The following NEK7 variants were observed in gnomAD, a reference collection of about 807,000 sequenced individuals.
The protein encoded by NEK7 is serine/threonine-protein kinase Nek7.
In NEK7, 18 loss-of-function variants were observed where a neutral mutation model predicts 44.6. The ratio of observed to expected loss-of-function variants is 0.40; its 90% CI spans 0.28 to 0.60. The LOEUF is 0.60. Among genes scored for constraint, NEK7 ranks in the 20% least tolerant of loss-of-function variants. The pLI is 0.38. For missense variants in NEK7, 256 were observed against 366.5 expected (o/e 0.70, Z 2.46); for synonymous variants, 130 against 121.1 (o/e 1.07, Z -0.48).
intron 7 of NEK7, among the ~76,000 whole-genome samples, chr1:198,279,453 A>G (rs6662804): frequency 0.2 from 30,086 of 151,878 alleles, 3,558 homozygotes; most frequent in African/African-American, 0.31. Context: ...AAAATAAAGT[A>G]TATGGCTGTG....
chr1:198,310,049 C>T (rs918609928), intron 9 of NEK7, among the ~76,000 whole-genome samples: 20 of 151,608 alleles, frequency 1.3e-4, no homozygotes, highest in African/African-American at 2.7e-4. Context: ...AACTAGTTTA[C>T]AGTCCCACCA....
intron 2 of NEK7, among the ~76,000 whole-genome samples, chr1:198,245,610 G>A (rs891426959): frequency 1.3e-5 from 2 of 152,224 alleles, no homozygotes; most frequent in East Asian, 3.8e-4. Context: ...GAAATACATG[G>A]TGCAGCTGAT....
At chr1:198,241,900 A>C (rs1297572553) in intron 2 of NEK7, among the ~76,000 whole-genome samples, 2 of 152,152 alleles carry the variant, frequency 1.3e-5, no homozygotes, top group African/African-American at 2.4e-5. Context: ...GCTGCCAATA[A>C]TTGTCTTGGC....
intron 1 of NEK7, among the ~76,000 whole-genome samples, chr1:198,168,685 T>C (rs1170174398): frequency 6.6e-6 from 1 of 152,202 alleles, no homozygotes; most frequent in Non-Finnish European, 1.5e-5. Context: ...TTATAGTTCA[T>C]CTTTTTGTTT....
At chr1:198,288,860 TAAC>T (rs1654458778) in intron 7 of NEK7, among the ~76,000 whole-genome samples, 1 of 152,148 alleles carries the variant, frequency 6.6e-6, no homozygotes, top group African/African-American at 2.4e-5. Flanking sequence ...ACAGCAACAA[TAAC>T]AATAAAATAT....
At chr1:198,180,992 A>G (rs1285175376) in intron 1 of NEK7, among the ~76,000 whole-genome samples, 4 of 152,098 alleles carry the variant, frequency 2.6e-5, no homozygotes, top group Non-Finnish European at 5.9e-5. Flanking sequence ...TCAAAATAGG[A>G]CAAGTTATCA....
intron 7 of NEK7, among the ~76,000 whole-genome samples, chr1:198,291,114 A>C (rs972313628): frequency 3.9e-5 from 6 of 152,024 alleles, no homozygotes; most frequent in Admixed American, 3.9e-4. Context: ...CTCATATCAA[A>C]CCCCTAATGT....
rs970518263 is a variant in NEK7, at chr1:198,205,770, T to C, written c.-28-26783T>C. Among the ~76,000 whole-genome samples, 5 of 152,250 alleles carry C rather than the reference T, an allele frequency of 3.3e-5. No individual in the cohort carries two copies. In the East Asian group the frequency reaches 7.7e-4, roughly 23 times the overall value. On this transcript the variant is annotated intron_variant, in intron 1 of 9. Transcript: ENST00000367385. ...TACGTGGAGTCTATTTCTTATTAGG[T>C]TCACAAAACTACAGAGTAAGAGCGA...
At chr1:198,212,078 G>T (rs1342188359) in intron 1 of NEK7, among the ~76,000 whole-genome samples, 1 of 152,218 alleles carries the variant, frequency 6.6e-6, no homozygotes, top group Non-Finnish European at 1.5e-5. Context: ...ACTCCAGTGG[G>T]ATGGGAGCGA....
intron 1 of NEK7, among the ~76,000 whole-genome samples, chr1:198,183,025 G>A (rs1664812792): frequency 6.6e-6 from 1 of 152,144 alleles, no homozygotes; most frequent in African/African-American, 2.4e-5. Context: ...AGGCCATTGT[G>A]GTAGGTGAAA....
intron 2 of NEK7, among the ~76,000 whole-genome samples, chr1:198,245,852 A>G (rs1172887286): frequency 6.6e-6 from 1 of 152,174 alleles, no homozygotes; most frequent in African/African-American, 2.4e-5. Flanking sequence ...TTACACTCCA[A>G]ATTAAGAACA....
intron 9 of NEK7, among the ~76,000 whole-genome samples, chr1:198,304,025 A>T (rs986667783): frequency 5.3e-5 from 8 of 152,178 alleles, no homozygotes; most frequent in African/African-American, 1.9e-4. Context: ...GAAAGTTGCC[A>T]TGTAAGATTA....
At chr1:198,171,290 G>T (rs933228726) in intron 1 of NEK7, among the ~76,000 whole-genome samples, 1 of 151,858 alleles carries the variant, frequency 6.6e-6, no homozygotes, top group Admixed American at 6.6e-5. Context: ...TTTTTTTAAA[G>T]AAATGCTTCT....
intron 5 of NEK7, among the ~76,000 whole-genome samples, chr1:198,276,371 C>G (rs1396886576): frequency 6.6e-6 from 1 of 151,682 alleles, no homozygotes; most frequent in African/African-American, 2.4e-5. Flanking sequence ...TGGTCCCCAT[C>G]TTCCTGTTGA....
At chr1:198,295,220 T>C (rs1183644394) in intron 8 of NEK7, among the ~76,000 whole-genome samples, 1 of 152,172 alleles carries the variant, frequency 6.6e-6, no homozygotes, top group East Asian at 1.9e-4. Context: ...ACATTTCCTT[T>C]ATTGTTCAGC....
intron 1 of NEK7, among the ~76,000 whole-genome samples, chr1:198,217,276 G>A (rs1409760827): frequency 6.6e-6 from 1 of 151,740 alleles, no homozygotes; most frequent in African/African-American, 2.4e-5. Flanking sequence ...TGGGTTGCAG[G>A]GATGGTTCAA....
chr1:198,285,841 A>T (rs58298944), intron 7 of NEK7, among the ~76,000 whole-genome samples: 1 of 151,852 alleles, frequency 6.6e-6, no homozygotes, highest in African/African-American at 2.4e-5. Flanking sequence ...CTACTTGTTT[A>T]TTTTTGTGAC....
At chr1:198,289,312 C>T (rs1474484164) in intron 7 of NEK7, among the ~76,000 whole-genome samples, 1 of 152,082 alleles carries the variant, frequency 6.6e-6, no homozygotes, top group Non-Finnish European at 1.5e-5. Context: ...TTTGTACTCT[C>T]CGACTTAAAA....
At chr1:198,312,689 G>A (rs1464646068) in intron 9 of NEK7, among the ~76,000 whole-genome samples, 4 of 151,536 alleles carry the variant, frequency 2.6e-5, no homozygotes, top group Non-Finnish European at 4.4e-5. Flanking sequence ...CCTTCATTTC[G>A]TTATGTACCC....
Sources: gnomAD v4.1 joint callset for allele counts (sites outside exome capture counted in the v4.1 genomes callset) on GRCh38, gnomAD v4.1.1 for gene constraint, MANE v1.5 for transcripts, NCBI Gene and HGNC (gene_info 2026-07-23, HGNC 2026-07-21) for gene names.